OSBP2: variants seen among roughly 807,000 people sequenced by gnomAD.
OSBP2 encodes the protein oxysterol binding protein 2, also known as oxysterol-binding protein 2.
A neutral mutation model predicts 96.0 loss-of-function variants in OSBP2; 66 were observed. That is an observed-to-expected ratio of 0.69 (90% CI 0.56 to 0.84). The LOEUF is 0.84. Ranked by LOEUF, OSBP2 falls within the 40% of genes least tolerant of loss-of-function variation. The pLI, the probability that OSBP2 is intolerant of heterozygous loss-of-function variation, is 0.00. For synonymous variants in OSBP2, 525 were observed against 520.9 expected (o/e 1.01, Z -0.11); for missense variants, 1,038 against 1,222.7 (o/e 0.85, Z 2.25).
chr22:30,721,977 G>T (rs1349573320), intron 1 of OSBP2, among the ~76,000 whole-genome samples: 12 of 152,160 alleles, frequency 7.9e-5, no homozygotes, highest in African/African-American at 2.7e-4. Flanking sequence ...ATAGATTGTG[G>T]CTGCAGCTAC....
chr22:30,730,997 A>C (rs887577722), intron 1 of OSBP2, among the ~76,000 whole-genome samples: 1 of 149,038 alleles, frequency 6.7e-6, no homozygotes, highest in Non-Finnish European at 1.5e-5. Flanking sequence ...ACACTGTGAA[A>C]CCCTGTCTTT....
chr22:30,737,498 A>C (rs1332350521), intron 1 of OSBP2, among the ~76,000 whole-genome samples: 1 of 150,790 alleles, frequency 6.6e-6, no homozygotes, highest in Non-Finnish European at 1.5e-5. Context: ...AATTAAAAAA[A>C]ATTTTTTTTT....
At chr22:30,847,925 TTTTTG>T (rs1555920019) in intron 2 of OSBP2, among the ~76,000 whole-genome samples, 1 of 152,156 alleles carries the variant, frequency 6.6e-6, no homozygotes, top group Non-Finnish European at 1.5e-5. Context: ...AGGAATTGGA[TTTTTG>T]TTTTATTATT....
intron 1 of OSBP2, among the ~76,000 whole-genome samples, chr22:30,697,041 G>T (rs1438592492): frequency 6.6e-6 from 1 of 152,134 alleles, no homozygotes; most frequent in Non-Finnish European, 1.5e-5. Flanking sequence ...CCAGTAGACG[G>T]TAGAGAGGGA....
At chr22:30,833,209 CTAGGAAGG>C (rs1438780873) in intron 2 of OSBP2, among the ~76,000 whole-genome samples, 1 of 152,146 alleles carries the variant, frequency 6.6e-6, no homozygotes, top group Non-Finnish European at 1.5e-5. Context: ...AACTGTACAG[CTAGGAAGG>C]CATGGAGCCA....
intron 1 of OSBP2, among the ~76,000 whole-genome samples, chr22:30,716,298 T>C (rs1036112019): frequency 6.6e-6 from 1 of 152,044 alleles, no homozygotes; most frequent in Non-Finnish European, 1.5e-5. Flanking sequence ...TGTTTCAGCC[T>C]CCCAAAGTGC....
At chr22:30,788,997 G>A (rs2090635977) in intron 2 of OSBP2, among the ~76,000 whole-genome samples, 1 of 152,192 alleles carries the variant, frequency 6.6e-6, no homozygotes, top group African/African-American at 2.4e-5. Context: ...ACAAGCGTGA[G>A]CCACCACACC....
In OSBP2 at chr22:30,870,398, ATGACCG is replaced by A; in HGVS notation, c.854-29_854-24del. The A allele has an allele frequency of 1.2e-6, 2 of 1,611,224 alleles. No individual in the cohort carries two copies. The highest frequency in any genetic ancestry group is 1.7e-6 in the Non-Finnish European group (2 of 1,179,248). ...CCTCTTGGTACCACGTCTGTTCGTA[ATGACCG>A]TAACAACTCTATTTTCTTCCACAGA... is the stretch of plus-strand genomic sequence containing the variant. On this transcript the variant is annotated intron_variant, in intron 2 of 13. Transcript: ENST00000332585. This position sits in a 1 kb window ranked among gnomAD's most constrained non-coding sequence, Gnocchi z 4.1.
chr22:30,806,304 C>T (rs117182535), intron 2 of OSBP2, among the ~76,000 whole-genome samples: 111 of 152,334 alleles, frequency 7.3e-4, no homozygotes, highest in Non-Finnish European at 1.0e-3. Context: ...CCAGTGCTCT[C>T]TCCTCACATT....
In OSBP2 at chr22:30,778,169, C is replaced by CTTTTTTTTT. The variant is rs1569119423; in HGVS notation, c.853+36800_853+36801insTTTTTTTTT. Among the ~76,000 whole-genome samples the CTTTTTTTTT allele has an allele frequency of 3.6e-3, 444 of 124,148 alleles. 92 individuals carry two copies. Among genetic ancestry groups the CTTTTTTTTT allele is most frequent in the East Asian group, 7.0e-3 (29 of 4,138 alleles). The allele number at this position is 124,148 out of a possible 152,430, so 81.4% of individuals were successfully genotyped here. A position where few individuals can be genotyped will look rare whatever the true frequency, so the allele number is the denominator to read the frequency against. ...ACCAGCATGCCCGGCTAATTTTTGC[C>CTTTTTTTTT]CTTTTTTTTTTTTTTTTTTTTAGTA... is the stretch of plus-strand genomic sequence containing the variant. On this transcript the variant is annotated intron_variant, in intron 2 of 13. Transcript: ENST00000332585.
intron 1 of OSBP2, among the ~76,000 whole-genome samples, chr22:30,698,113 C>T (rs1458507514): frequency 2.0e-5 from 3 of 152,278 alleles, no homozygotes; most frequent in African/African-American, 7.2e-5. Context: ...AGGTCTGTCA[C>T]GTAACCCTGA....
chr22:30,764,427 G>A, intron 2 of OSBP2: 1 of 981,910 alleles, frequency 1.0e-6, no homozygotes, highest in Non-Finnish European at 1.2e-6. Flanking sequence ...TGTTCCTGTT[G>A]GGTGTGATCC....
chr22:30,725,466 G>A (rs1052814276), intron 1 of OSBP2, among the ~76,000 whole-genome samples: 2 of 151,372 alleles, frequency 1.3e-5, no homozygotes, highest in African/African-American at 2.4e-5. Context: ...AGCTGAGATC[G>A]CACCACTGCA....
chr22:30,791,097 C>A (rs989640535), intron 2 of OSBP2, among the ~76,000 whole-genome samples: 1 of 151,652 alleles, frequency 6.6e-6, no homozygotes, highest in Admixed American at 6.6e-5. Flanking sequence ...GATTCTCCTG[C>A]CTCAGCCTCC....
At chr22:30,706,639 T>G (rs547181222) in intron 1 of OSBP2, among the ~76,000 whole-genome samples, 1 of 152,304 alleles carries the variant, frequency 6.6e-6, no homozygotes, top group East Asian at 1.9e-4. Context: ...ACCCTCGGCG[T>G]GATAGTCACT....
intron 2 of OSBP2, among the ~76,000 whole-genome samples, chr22:30,765,903 G>A (rs188718927): frequency 2.0e-5 from 3 of 152,244 alleles, no homozygotes; most frequent in Admixed American, 1.3e-4. Context: ...CACCCCAACT[G>A]AGAAAATGGA....
chr22:30,900,434 A>G (rs1436469239), intron 12 of OSBP2, among the ~76,000 whole-genome samples: 1 of 152,204 alleles, frequency 6.6e-6, no homozygotes, highest in Admixed American at 6.5e-5. Flanking sequence ...GTCATGATTT[A>G]AAAAGTCAGT....
chr22:30,754,262 A>C (rs2090114353), intron 2 of OSBP2, among the ~76,000 whole-genome samples: 2 of 152,140 alleles, frequency 1.3e-5, no homozygotes, highest in South Asian at 4.1e-4. Flanking sequence ...TTTATTGTTG[A>C]CATTGGAAGG....
chr22:30,770,988 C>T (rs755543549), intron 2 of OSBP2, among the ~76,000 whole-genome samples: 3 of 152,204 alleles, frequency 2.0e-5, no homozygotes, highest in Non-Finnish European at 4.4e-5. Context: ...CAGGTTCAAG[C>T]GATTCTCCTG....
Sources: allele counts gnomAD v4.1 joint callset (sites outside exome capture counted in the v4.1 genomes callset), GRCh38; gene constraint gnomAD v4.1.1; non-coding constraint Gnocchi (gnomAD v3.1); transcripts MANE v1.5; gene names NCBI Gene and HGNC (gene_info 2026-07-23, HGNC 2026-07-21).